Variants in CA10 observed in about 807,000 individuals in gnomAD.
CA10 encodes the protein carbonic anhydrase-related protein 10.
In CA10, 14 loss-of-function variants were observed where a neutral mutation model predicts 44.2. The observed-to-expected ratio is 0.32, with a 90% CI of 0.21 to 0.50. CA10 has a LOEUF of 0.50. Ranked by LOEUF, CA10 falls within the 20% of genes least tolerant of loss-of-function variation. The probability of loss-of-function intolerance (pLI) is 0.99; values close to 1 mark genes in which losing one functional copy is unlikely to be tolerated. For missense variants in CA10, 350 were observed against 409.7 expected (o/e 0.85, Z 1.26); for synonymous variants, 159 against 141.6 (o/e 1.12, Z -0.87).
At chr17:51,814,450 G>A (rs547891414) in intron 3 of CA10, among the ~76,000 whole-genome samples, 8 of 152,294 alleles carry the variant, frequency 5.3e-5, no homozygotes, top group African/African-American at 1.9e-4. Flanking sequence ...AGAAATGTAC[G>A]AGTGGGAAAT....
At chr17:52,116,925 C>T (rs1390477347) in intron 1 of CA10, among the ~76,000 whole-genome samples, 1 of 152,106 alleles carries the variant, frequency 6.6e-6, no homozygotes, top group African/African-American at 2.4e-5. Flanking sequence ...CTTTGCGTGT[C>T]TTAATTGAGG....
At chr17:51,727,440 A>C (rs1474148849) in intron 4 of CA10, among the ~76,000 whole-genome samples, 1 of 151,862 alleles carries the variant, frequency 6.6e-6, no homozygotes, top group Non-Finnish European at 1.5e-5. Context: ...TTTGTCTCAG[A>C]GCCTTTGATT....
intron 1 of CA10, among the ~76,000 whole-genome samples, chr17:52,097,517 C>T (rs1392507081): frequency 1.3e-5 from 2 of 152,142 alleles, no homozygotes; most frequent in Admixed American, 6.6e-5. Flanking sequence ...TAAAATTGAA[C>T]CCAAATCTGT....
chr17:51,713,298 A>G (rs531705758), intron 4 of CA10, among the ~76,000 whole-genome samples: 2 of 152,342 alleles, frequency 1.3e-5, no homozygotes, highest in East Asian at 3.9e-4. Context: ...AAAGGAGCCT[A>G]TAATTGGCCA....
intron 4 of CA10, among the ~76,000 whole-genome samples, chr17:51,673,634 A>C (rs1258655939): frequency 2.0e-5 from 3 of 152,194 alleles, no homozygotes; most frequent in Non-Finnish European, 4.4e-5. Flanking sequence ...TCAGGGCCTC[A>C]AGTACTCTCA....
chr17:51,879,920 G>C (rs1161803906), intron 3 of CA10, among the ~76,000 whole-genome samples: 1 of 152,188 alleles, frequency 6.6e-6, no homozygotes, highest in Admixed American at 6.5e-5. Context: ...TGTATGCTTT[G>C]ATATCTGGGG....
chr17:51,866,920 C>A (rs561955256), intron 3 of CA10, among the ~76,000 whole-genome samples: 8 of 147,862 alleles, frequency 5.4e-5, no homozygotes, highest in Non-Finnish European at 1.2e-4. Context: ...ATGGTAAGAA[C>A]AGTTTCTCAG....
At chr17:51,821,937 G>A (rs913555073) in intron 3 of CA10, among the ~76,000 whole-genome samples, 18 of 152,068 alleles carry the variant, frequency 1.2e-4, no homozygotes, top group African/African-American at 4.1e-4. Flanking sequence ...AGTATGACCT[G>A]TGGTCACCCC....
chr17:51,867,527 T>C (rs1979604351), intron 3 of CA10, among the ~76,000 whole-genome samples: 1 of 152,196 alleles, frequency 6.6e-6, no homozygotes, highest in Admixed American at 6.5e-5. Context: ...CAGTGTTTAT[T>C]CTCTAGGTGG....
chr17:51,849,239 A>ATACATATATGTGTGTG (rs1567860497), intron 3 of CA10, among the ~76,000 whole-genome samples: 8 of 120,694 alleles, frequency 6.6e-5, no homozygotes, highest in Non-Finnish European at 1.2e-4. Context: ...GTGTGTATAT[A>ATACATATATGTGTGTG]TATATATATA....
At chr17:51,670,871 C>A (rs1300900138) in intron 4 of CA10, among the ~76,000 whole-genome samples, 2 of 152,148 alleles carry the variant, frequency 1.3e-5, no homozygotes, top group Admixed American at 6.5e-5. Context: ...CCAGGTCACA[C>A]AGTTTTTAAT....
Position 52,036,296 on chromosome 17 carries a change from A to C in CA10, c.136+36023T>G, listed in dbSNP as rs192010798. On this transcript the variant is annotated intron_variant, in intron 2 of 8. Coordinates refer to ENST00000451037, the MANE Select transcript of CA10 (RefSeq NM_020178.5). ...TTCATTCGAAATCTTGTTTATTTTA[A>C]AATAACATATAAAGTTACAACTGTA... is the stretch of plus-strand genomic sequence containing the variant. Among the ~76,000 whole-genome samples the C allele has an allele frequency of 5.3e-5, 8 of 152,332 alleles. No homozygotes were observed. The East Asian group carries it at 1.5e-3, about 29-fold the overall frequency.
chr17:52,005,590 T>G (rs1985570214), intron 2 of CA10, among the ~76,000 whole-genome samples: 1 of 151,918 alleles, frequency 6.6e-6, no homozygotes, highest in African/African-American at 2.4e-5. Flanking sequence ...CTTTAACTGG[T>G]TTGGAGAACA....
intron 4 of CA10, among the ~76,000 whole-genome samples, chr17:51,699,574 C>T (rs2143454453): frequency 6.6e-6 from 1 of 152,158 alleles, no homozygotes; most frequent in Non-Finnish European, 1.5e-5. Context: ...CCCTCGAGAG[C>T]ATAAGAAAAA....
At chr17:51,905,138 T>C (rs1443848738) in intron 3 of CA10, among the ~76,000 whole-genome samples, 2 of 152,132 alleles carry the variant, frequency 1.3e-5, no homozygotes, top group African/African-American at 4.8e-5. Context: ...AGTTGAATAT[T>C]TGCCCTAAGA....
chr17:51,860,359 T>C (rs770177214), intron 3 of CA10, among the ~76,000 whole-genome samples: 1 of 152,226 alleles, frequency 6.6e-6, no homozygotes, highest in African/African-American at 2.4e-5. Context: ...ATTTTCAGCA[T>C]TGTCTTGTTT....
At chr17:51,660,621 A>T (rs1366697990) in intron 4 of CA10, among the ~76,000 whole-genome samples, 1 of 152,198 alleles carries the variant, frequency 6.6e-6, no homozygotes, top group African/African-American at 2.4e-5. Context: ...CTCAGACCTT[A>T]GATCACCTTT....
chr17:52,110,441 T>C (rs1988765407), intron 1 of CA10, among the ~76,000 whole-genome samples: 1 of 152,242 alleles, frequency 6.6e-6, no homozygotes, highest in Admixed American at 6.5e-5. Context: ...ATTGTAAGTA[T>C]CCAATGACAT....
intron 1 of CA10, among the ~76,000 whole-genome samples, chr17:52,096,826 T>C (rs1567732063): frequency 6.6e-6 from 1 of 152,218 alleles, no homozygotes; most frequent in Admixed American, 6.5e-5. Context: ...TCACATAATA[T>C]GCTATGAGGT....
Sources: gnomAD v4.1 joint callset for allele counts (sites outside exome capture counted in the v4.1 genomes callset) on GRCh38, gnomAD v4.1.1 for gene constraint, MANE v1.5 for transcripts, NCBI Gene and HGNC (gene_info 2026-07-23, HGNC 2026-07-21) for gene names.